The following DCTN5 variants were observed in gnomAD, a reference collection of about 807,000 sequenced individuals.
DCTN5 encodes the protein dynactin 4.
In DCTN5, 14 loss-of-function variants were observed where a neutral mutation model predicts 23.5. The observed-to-expected ratio is 0.60, with a 90% CI of 0.39 to 0.93. DCTN5 has a LOEUF of 0.93. Ranked by LOEUF, DCTN5 falls within the 40% of genes least tolerant of loss-of-function variation. The pLI is 0.00. For synonymous variants in DCTN5, 67 were observed against 79.6 expected, an observed-to-expected ratio of 0.84 and a Z score of 0.84; for missense variants, 156 against 225.9, an observed-to-expected ratio of 0.69 and a Z score of 1.98.
intron 4 of DCTN5, among the ~76,000 whole-genome samples, chr16:23,663,085 G>A (rs1967844454): frequency 6.6e-6 from 1 of 152,176 alleles, no homozygotes; most frequent in Non-Finnish European, 1.5e-5. Context: ...CCGTCCCCAT[G>A]ACACATAGCT....
chr16:23,673,093 A>G lies in DCTN5; in HGVS notation c.*5949A>G, dbSNP rs1968035604. 6.7e-6 allele frequency: 1 copy of G among 149,212 alleles called. No homozygotes were observed. The highest frequency in any genetic ancestry group is 1.5e-5 in the Non-Finnish European group (1 of 67,656). The allele number at this position is 149,212 out of a possible 1,614,324, so 9.2% of individuals were successfully genotyped here. On this transcript the variant is annotated 3_prime_UTR_variant, in exon 6 of 6. Transcript: ENST00000300087. ...CAGTGAGCTGTAATTGTGCCACTGC[A>G]CTCCAGCCTGGGCGACAGAGCGAGA... is the stretch of plus-strand genomic sequence containing the variant.
chr16:23,642,437 T>G (rs1967307085), intron 1 of DCTN5: 1 of 154,022 alleles, frequency 6.5e-6, no homozygotes, highest in Non-Finnish European at 1.4e-5. Context: ...GCCACCAAGC[T>G]ATAGACATTC....
chr16:23,652,836 A>C (rs568959817), intron 2 of DCTN5, among the ~76,000 whole-genome samples: 2 of 152,320 alleles, frequency 1.3e-5, no homozygotes, highest in East Asian at 3.9e-4. Flanking sequence ...ACATTTATAA[A>C]ATTTATAAAG....
chr16:23,654,835 A>C (rs1377210020), intron 2 of DCTN5, among the ~76,000 whole-genome samples: 1 of 152,124 alleles, frequency 6.6e-6, no homozygotes, highest in Non-Finnish European at 1.5e-5. Flanking sequence ...CCCACATATG[A>C]GTGAGAACGT....
At position 23,670,716 on chromosome 16, in the gene DCTN5, G is replaced by C. The variant is rs1326574530; in HGVS notation, c.*3572G>C. On this transcript the variant is annotated 3_prime_UTR_variant, in exon 6 of 6. Transcript: ENST00000300087. ...CCGAAGGCCTGGTTTTTTCAGAACT[G>C]GTCTCAGCAAAATGTCTCGCCAACT... 2 of 152,176 alleles carry C rather than the reference G, an allele frequency of 1.3e-5. No individual in the cohort carries two copies. The highest frequency in any genetic ancestry group is 2.9e-5 in the Non-Finnish European group (2 of 68,046). The allele number at this position is 152,176 out of a possible 1,614,324, so 9.4% of individuals were successfully genotyped here.
chr16:23,653,925 A>G (rs1249543904), intron 2 of DCTN5, among the ~76,000 whole-genome samples: 2 of 152,172 alleles, frequency 1.3e-5, no homozygotes, highest in Admixed American at 6.5e-5. Flanking sequence ...AAATACAATA[A>G]TCATGACAAA....
chr16:23,646,768 G>A (rs964183407), intron 2 of DCTN5, among the ~76,000 whole-genome samples: 1 of 152,040 alleles, frequency 6.6e-6, no homozygotes. Context: ...TAGAGACAGG[G>A]TTTCTCCATA....
intron 2 of DCTN5, 23 bp downstream of exon 2, chr16:23,643,046 G>A (rs1002897789): frequency 6.2e-7 from 1 of 1,610,398 alleles, no homozygotes. Context: ...GCCAGCTCCA[G>A]GCTGCAAACC....
rs1968047181 is a variant in DCTN5 at position 23,673,600 on chromosome 16, T to C, written c.*6456T>C. ...TACTCATCTCTTAAAAAAAAAGTTT[T>C]ATGCTTGTTAATTTCATAAATGCTA... is the stretch of plus-strand genomic sequence containing the variant. On this transcript the variant is annotated 3_prime_UTR_variant, in exon 6 of 6. Coordinates refer to ENST00000300087, the MANE Select transcript of DCTN5 (RefSeq NM_032486.4). 1 of 152,252 alleles carries C rather than the reference T, an allele frequency of 6.6e-6. No homozygotes were observed. Among genetic ancestry groups the C allele is most frequent in the Non-Finnish European group, 1.5e-5 (1 of 68,038 alleles). The allele number at this position is 152,252 out of a possible 1,614,324, so 9.4% of individuals were successfully genotyped here.
intron 4 of DCTN5, among the ~76,000 whole-genome samples, chr16:23,661,536 T>C (rs896737399): frequency 3.3e-5 from 5 of 152,002 alleles, no homozygotes; most frequent in African/African-American, 1.2e-4. Flanking sequence ...CTGGCCAACA[T>C]GGCAAAACCC....
At chr16:23,666,845 T>G in intron 5 of DCTN5, 1 of 724,920 alleles carries the variant, frequency 1.4e-6, no homozygotes, top group Non-Finnish European at 2.2e-6. Flanking sequence ...GAGACTTTTG[T>G]TTAGTAATTT....
intron 2 of DCTN5, among the ~76,000 whole-genome samples, chr16:23,646,854 G>A (rs1006757592): frequency 3.3e-5 from 5 of 152,190 alleles, no homozygotes; most frequent in African/African-American, 2.4e-5. Flanking sequence ...GGGATTACAG[G>A]CGTGAACCAC....
chr16:23,650,662 A>T, intron 2 of DCTN5: 1 of 1,227,402 alleles, frequency 8.1e-7, no homozygotes, highest in South Asian at 1.4e-5. Flanking sequence ...GTACAATTCC[A>T]CTTATCCACC....
chr16:23,657,370 C>A (rs1372763247), intron 2 of DCTN5: 2 of 305,812 alleles, frequency 6.5e-6, no homozygotes, highest in East Asian at 1.3e-4. Flanking sequence ...GCGGGAGGAT[C>A]CCTTGAGCCC....
intron 2 of DCTN5, among the ~76,000 whole-genome samples, chr16:23,644,135 C>G (rs1415921626): frequency 6.6e-6 from 1 of 151,332 alleles, no homozygotes; most frequent in Admixed American, 6.6e-5. Flanking sequence ...TCTTTTTTTT[C>G]CTTTTTTGTT....
chr16:23,666,980 C>T (rs1390533944), intron 5 of DCTN5, 67 bp from the exon 6 acceptor site: 1 of 1,600,708 alleles, frequency 6.2e-7, no homozygotes, highest in South Asian at 1.1e-5. Context: ...AAGGATATTG[C>T]CAGAGAAATA....
chr16:23,653,366 G>A (rs956816938), intron 2 of DCTN5, among the ~76,000 whole-genome samples: 4 of 152,048 alleles, frequency 2.6e-5, no homozygotes, highest in African/African-American at 9.7e-5. Flanking sequence ...ACAGAACAAT[G>A]GAACAGAATA....
chr16:23,649,538 T>A (rs1383999379), intron 2 of DCTN5, among the ~76,000 whole-genome samples: 1 of 152,154 alleles, frequency 6.6e-6, no homozygotes, highest in Non-Finnish European at 1.5e-5. Context: ...TTCATTTAGG[T>A]CTTTAATTCA....
At chr16:23,650,657 A>G in intron 2 of DCTN5, 3 of 1,182,326 alleles carry the variant, frequency 2.5e-6, no homozygotes, top group Non-Finnish European at 3.6e-6. Flanking sequence ...GCTGTGTACA[A>G]TTCCACTTAT....
Sources: allele counts gnomAD v4.1 joint callset (sites outside exome capture counted in the v4.1 genomes callset), GRCh38; gene constraint gnomAD v4.1.1; transcripts MANE v1.5; gene names NCBI Gene and HGNC (gene_info 2026-07-23, HGNC 2026-07-21).